Variants in ZFAT observed in about 807,000 individuals in gnomAD.
ZFAT encodes zinc finger protein ZFAT.
Under a neutral mutation model 117.7 loss-of-function variants are expected in ZFAT, and 64 were observed. That is an observed-to-expected ratio of 0.54 (90% confidence interval 0.44 to 0.67). The LOEUF is 0.67. Ranked by LOEUF, ZFAT falls within the 30% of genes least tolerant of loss-of-function variation. ZFAT has a pLI of 0.00. For missense variants in ZFAT, 1,433 were observed against 1,584.5 expected, an observed-to-expected ratio of 0.90 and a Z score of 1.62; for synonymous variants, 679 against 615.0, an observed-to-expected ratio of 1.10 and a Z score of -1.54.
chr8:134,703,214 T>C (rs1834061620), intron 1 of ZFAT, among the ~76,000 whole-genome samples: 1 of 152,254 alleles, frequency 6.6e-6, no homozygotes. Context: ...TAGTAGTGTC[T>C]CATTGTGATT....
At chr8:134,709,138 G>T (rs1279312888) in intron 1 of ZFAT, among the ~76,000 whole-genome samples, 1 of 152,220 alleles carries the variant, frequency 6.6e-6, no homozygotes. Flanking sequence ...ACAAAAATTA[G>T]CCAGGTGTGG....
At chr8:134,573,482 T>C (rs1404796317) in intron 10 of ZFAT, among the ~76,000 whole-genome samples, 3 of 152,102 alleles carry the variant, frequency 2.0e-5, no homozygotes, top group South Asian at 2.1e-4. Flanking sequence ...AGGGATCCCA[T>C]CAGTGTTCCT....
chr8:134,773,667 A>G, the ZFAT span, among the ~76,000 whole-genome samples: 1 of 152,190 alleles, frequency 6.6e-6, no homozygotes, highest in Admixed American at 6.5e-5. Flanking sequence ...CATTAACAGG[A>G]ATGTGGAAGA....
upstream of ZFAT, among the ~76,000 whole-genome samples, chr8:134,714,626 A>G (rs1814177539): frequency 6.6e-6 from 1 of 152,224 alleles, no homozygotes; most frequent in African/African-American, 2.4e-5. Context: ...ATATGCTCAC[A>G]GATATAGCCT....
chr8:134,762,335 G>A, the ZFAT span, among the ~76,000 whole-genome samples: 1 of 152,172 alleles, frequency 6.6e-6, no homozygotes, highest in Non-Finnish European at 1.5e-5. Flanking sequence ...TGTATCCACA[G>A]TGTCATTCAT....
intron 10 of ZFAT, among the ~76,000 whole-genome samples, chr8:134,566,681 G>C (rs1021803594): frequency 2.0e-5 from 3 of 152,280 alleles, no homozygotes; most frequent in African/African-American, 7.2e-5. Flanking sequence ...GCTCCTCCCA[G>C]AGCACTCTTG....
At chr8:134,788,412 C>T in the ZFAT span, among the ~76,000 whole-genome samples, 3 of 152,180 alleles carry the variant, frequency 2.0e-5, no homozygotes, top group South Asian at 6.2e-4. Context: ...AGAGTAGTTG[C>T]GGGTTTCTCT....
intron 1 of ZFAT, among the ~76,000 whole-genome samples, chr8:134,710,890 T>C (rs1285693869): frequency 2.0e-5 from 3 of 152,150 alleles, no homozygotes; most frequent in Admixed American, 2.0e-4. Flanking sequence ...AATAAGACAA[T>C]CACTTTCTTA....
At chr8:134,687,886 G>A (rs182560136) in intron 1 of ZFAT, among the ~76,000 whole-genome samples, 1 of 152,284 alleles carries the variant, frequency 6.6e-6, no homozygotes, top group Admixed American at 6.5e-5. Flanking sequence ...GTTCCTCCGT[G>A]GGGCAGGCCT....
In ZFAT at chr8:134,668,033, A is replaced by T. The variant is rs1295273058; in HGVS notation, c.20-10296T>A. Among the ~76,000 whole-genome samples the T allele has an allele frequency of 2.0e-5, 3 of 152,140 alleles. No individual in the cohort carries two copies. The East Asian group carries it at 5.8e-4, about 29-fold the overall frequency. ...TGCTAGCACGGCAGTCTGAGATCGA[A>T]CTGCAAGGCGGCACTGAGGCTGGGG... On this transcript the variant is annotated intron_variant, in intron 1 of 15. Transcript: ENST00000377838.
rs1462926976 is a variant in ZFAT at position 134,682,792 on chromosome 8, G to A, written c.20-25055C>T. 2.0e-5 allele frequency among the ~76,000 whole-genome samples: 3 copies of A among 152,228 alleles called. No individual in the cohort carries two copies. The East Asian group carries it at 5.8e-4, about 29-fold the overall frequency. ...GCTCCCAACCTCGGCTCCCTCCCCT[G>A]TAAGGCCCTTTTTCCCCACTCTGCA... On this transcript the variant is annotated intron_variant, in intron 1 of 15. Transcript: ENST00000377838.
At chr8:134,727,611 A>T in the ZFAT span, among the ~76,000 whole-genome samples, 1 of 152,200 alleles carries the variant, frequency 6.6e-6, no homozygotes, top group Non-Finnish European at 1.5e-5. Context: ...CAGTTTTGTG[A>T]CTTCAAAATG....
chr8:134,786,942 G>A, the ZFAT span, among the ~76,000 whole-genome samples: 2 of 150,896 alleles, frequency 1.3e-5, no homozygotes, highest in Non-Finnish European at 2.9e-5. Context: ...TCAAACTCCT[G>A]GGCTCAGATG....
the ZFAT span, among the ~76,000 whole-genome samples, chr8:134,825,404 C>T: frequency 1.3e-5 from 2 of 152,164 alleles, no homozygotes; most frequent in South Asian, 4.1e-4. Context: ...ATCACTCAGT[C>T]TTAAGAATTT....
intron 10 of ZFAT, among the ~76,000 whole-genome samples, chr8:134,570,493 T>G (rs1476838430): frequency 6.6e-6 from 1 of 152,180 alleles, no homozygotes; most frequent in East Asian, 1.9e-4. Flanking sequence ...GTTTGGGCTT[T>G]GGTTGCAATC....
intron 15 of ZFAT, among the ~76,000 whole-genome samples, chr8:134,493,485 A>G (rs575484892): frequency 6.6e-6 from 1 of 152,316 alleles, no homozygotes; most frequent in East Asian, 1.9e-4. Context: ...CATGACTAGA[A>G]CATCTTGTAC....
At chr8:134,797,341 C>A in the ZFAT span, 2 of 151,982 alleles carry the variant, frequency 1.3e-5, no homozygotes, top group African/African-American at 2.4e-5. Context: ...CTTTTAAGTG[C>A]CTTTTATACC....
intron 15 of ZFAT, among the ~76,000 whole-genome samples, chr8:134,499,564 G>A (rs1270497880): frequency 3.3e-5 from 5 of 149,644 alleles, no homozygotes; most frequent in Non-Finnish European, 7.4e-5. Context: ...TAGGGTCGGG[G>A]TGGAGCTGGG....
At chr8:134,675,127 G>A (rs1832733398) in intron 1 of ZFAT, among the ~76,000 whole-genome samples, 1 of 152,164 alleles carries the variant, frequency 6.6e-6, no homozygotes, top group Non-Finnish European at 1.5e-5. Context: ...GACAGAAGTA[G>A]GCTTCAGAAG....
Sources: allele counts gnomAD v4.1 joint callset (sites outside exome capture counted in the v4.1 genomes callset), GRCh38; gene constraint gnomAD v4.1.1; transcripts MANE v1.5; gene names NCBI Gene and HGNC (gene_info 2026-07-23, HGNC 2026-07-21).